NR3C2: variants seen among roughly 807,000 people sequenced by gnomAD.
NR3C2 encodes the protein nuclear receptor subfamily 3 group C member 2, also known as mineralocorticoid receptor.
In NR3C2, 15 loss-of-function variants were observed where a neutral mutation model predicts 86.4. The ratio of observed to expected loss-of-function variants is 0.17; its 90% CI spans 0.12 to 0.27. The LOEUF is 0.27. Ranked by LOEUF, NR3C2 falls within the 10% of genes least tolerant of loss-of-function variation. The pLI, the probability that NR3C2 is intolerant of heterozygous loss-of-function variation, is 1.00. For synonymous variants in NR3C2, 458 were observed against 450.5 expected (o/e 1.02, Z -0.21); for missense variants, 960 against 1,195.6 (o/e 0.80, Z 2.91).
At chr4:148,215,385 G>A (rs759024367) in intron 3 of NR3C2, among the ~76,000 whole-genome samples, 2 of 152,236 alleles carry the variant, frequency 1.3e-5, no homozygotes, top group Non-Finnish European at 1.5e-5. Flanking sequence ...GCTGCATGCT[G>A]GTGGTGACTG....
rs367885990 is a variant in NR3C2 at position 148,114,084 on chromosome 4, C to A, written c.2799+20G>T. ...GGTTGCTGATCCTTCACTTAGGAAC[C>A]AAGGAGGGGCTCTACTCACGTCATG... On this transcript the variant is annotated intron_variant, in intron 8 of 8. Transcript: ENST00000358102. The A allele has an allele frequency of 1.1e-5, 17 of 1,612,018 alleles. No individual in the cohort carries two copies. In the African/African-American group the frequency reaches 1.9e-4, roughly 18 times the overall value.
chr4:148,154,364 C>T lies in NR3C2; in HGVS notation c.2365+187G>A, dbSNP rs116709324. 4.8e-3 allele frequency among the ~76,000 whole-genome samples: 727 copies of T among 152,328 alleles called. 6 individuals carry two copies. The highest frequency in any genetic ancestry group is 0.011 in the African/African-American group (458 of 41,578). ...ACAATAAAATCCTTAACCCTGCATTCTCGGAAGAAATGAGCACATTAACCA... is the reference window on the plus strand; with the variant it reads ...ACAATAAAATCCTTAACCCTGCATTTTCGGAAGAAATGAGCACATTAACCA... On this transcript the variant is annotated intron_variant, in intron 5 of 8. Transcript: ENST00000358102.
At position 148,417,360 on chromosome 4, in the gene NR3C2, TCTC is replaced by T. The variant is rs955050097; in HGVS notation, c.1757+17741_1757+17743del. Among the ~76,000 whole-genome samples the T allele has an allele frequency of 2.4e-4, 37 of 152,320 alleles. 1 individual carries two copies. The highest frequency in any genetic ancestry group is 8.9e-4 in the African/African-American group (37 of 41,564). Reference sequence around the variant, plus strand: ...CTTCTTATAAAGACTTATAATGACTTCTCTATCCAAGAGTCAGATATGTGTTCA... The same window carrying T: ...CTTCTTATAAAGACTTATAATGACTTTATCCAAGAGTCAGATATGTGTTCA... On this transcript the variant is annotated intron_variant, in intron 2 of 8. Transcript: ENST00000358102.
At chr4:148,231,005 C>G (rs1738432630) in intron 3 of NR3C2, among the ~76,000 whole-genome samples, 1 of 152,200 alleles carries the variant, frequency 6.6e-6, no homozygotes, top group Non-Finnish European at 1.5e-5. Flanking sequence ...CATGGCCTAA[C>G]AGAGAAGACT....
At chr4:148,210,674 A>C (rs1313666993) in intron 3 of NR3C2, among the ~76,000 whole-genome samples, 2 of 152,198 alleles carry the variant, frequency 1.3e-5, no homozygotes, top group Non-Finnish European at 2.9e-5. Flanking sequence ...TGTCTGAGGA[A>C]CCTGTCCTAT....
chr4:148,411,656 T>TA (rs1748710182), intron 2 of NR3C2, among the ~76,000 whole-genome samples: 1 of 152,228 alleles, frequency 6.6e-6, no homozygotes, highest in African/African-American at 2.4e-5. Context: ...GATCTATCCT[T>TA]AAACCTTCTG....
chr4:148,397,033 C>T (rs1349309804), intron 2 of NR3C2, among the ~76,000 whole-genome samples: 1 of 152,112 alleles, frequency 6.6e-6, no homozygotes, highest in Non-Finnish European at 1.5e-5. Flanking sequence ...ATCAAATTTG[C>T]CAGAGGAACC....
intron 3 of NR3C2, among the ~76,000 whole-genome samples, chr4:148,215,863 C>T (rs1339222175): frequency 6.6e-6 from 1 of 150,644 alleles, no homozygotes; most frequent in Non-Finnish European, 1.5e-5. Context: ...CACTGCAAGC[C>T]CTGCCTCCTG....
chr4:148,235,262 T>TTA (rs370271975), intron 3 of NR3C2, among the ~76,000 whole-genome samples: 14,463 of 143,558 alleles, frequency 0.1, 840 homozygotes, highest in African/African-American at 0.18. Context: ...TAAGTGGCAA[T>TTA]TATATATATA....
intron 2 of NR3C2, among the ~76,000 whole-genome samples, chr4:148,359,766 C>T (rs1482982886): frequency 3.3e-5 from 5 of 152,052 alleles, no homozygotes; most frequent in Admixed American, 6.6e-5. Flanking sequence ...CAGAATGTTA[C>T]GTGTCATTTC....
At chr4:148,215,770 T>A (rs181693980) in intron 3 of NR3C2, among the ~76,000 whole-genome samples, 1 of 148,486 alleles carries the variant, frequency 6.7e-6, no homozygotes, top group Admixed American at 6.9e-5. Flanking sequence ...TTTAGGCTTT[T>A]TGAGGCATAG....
At chr4:148,365,835 C>T (rs565057484) in intron 2 of NR3C2, among the ~76,000 whole-genome samples, 23 of 152,144 alleles carry the variant, frequency 1.5e-4, no homozygotes, top group South Asian at 1.0e-3. Flanking sequence ...ACAAGTATAA[C>T]TTTTTCCCAT....
chr4:148,309,276 G>C (rs1742791037), intron 2 of NR3C2, among the ~76,000 whole-genome samples: 1 of 152,124 alleles, frequency 6.6e-6, no homozygotes, highest in East Asian at 1.9e-4. Context: ...ATTTCAACCT[G>C]TTAAAACTAT....
chr4:148,240,402 G>A (rs1008278065), intron 3 of NR3C2, among the ~76,000 whole-genome samples: 1 of 151,836 alleles, frequency 6.6e-6, no homozygotes, highest in Non-Finnish European at 1.5e-5. Context: ...CTACCACATT[G>A]GACAGTGCAT....
intron 2 of NR3C2, among the ~76,000 whole-genome samples, chr4:148,346,738 A>G (rs1745012614): frequency 6.6e-6 from 1 of 152,164 alleles, no homozygotes. Context: ...ATTTTGATAT[A>G]CCAGGCTAAA....
chr4:148,407,018 G>C (rs376136317), intron 2 of NR3C2, among the ~76,000 whole-genome samples: 11 of 152,156 alleles, frequency 7.2e-5, no homozygotes, highest in African/African-American at 2.4e-4. Context: ...AAGAGTTAAC[G>C]TTTACAGAAG....
chr4:148,129,868 G>C (rs1449541624), intron 6 of NR3C2, among the ~76,000 whole-genome samples: 1 of 152,152 alleles, frequency 6.6e-6, no homozygotes, highest in East Asian at 1.9e-4. Flanking sequence ...AAAGTGCTGA[G>C]ATTACAAGTG....
At chr4:148,265,460 C>A (rs1579083064) in intron 2 of NR3C2, among the ~76,000 whole-genome samples, 1 of 152,230 alleles carries the variant, frequency 6.6e-6, no homozygotes, top group Non-Finnish European at 1.5e-5. Context: ...TCTAAGGCAC[C>A]GTGTTGTTCC....
intron 2 of NR3C2, among the ~76,000 whole-genome samples, chr4:148,432,276 T>C (rs147232047): frequency 6.6e-6 from 1 of 152,268 alleles, no homozygotes; most frequent in Non-Finnish European, 1.5e-5. Context: ...CTCATATAGA[T>C]ATGTTGTTGG....
Sources: gnomAD v4.1 joint callset for allele counts (sites outside exome capture counted in the v4.1 genomes callset) on GRCh38, gnomAD v4.1.1 for gene constraint, MANE v1.5 for transcripts, NCBI Gene and HGNC (gene_info 2026-07-23, HGNC 2026-07-21) for gene names.